The following GNAL variants were observed in gnomAD, a reference collection of about 807,000 sequenced individuals.
GNAL encodes guanine nucleotide-binding protein G(olf) subunit alpha.
Under a neutral mutation model 55.1 loss-of-function variants are expected in GNAL, and 18 were observed. The ratio of observed to expected loss-of-function variants is 0.33; its 90% CI spans 0.23 to 0.48. The LOEUF (loss-of-function observed/expected upper bound fraction) is 0.48, where lower values mean the gene tolerates loss of function less well. GNAL is among the 20% of genes least tolerant of loss of function. The pLI, the probability that GNAL is intolerant of heterozygous loss-of-function variation, is 0.99. For synonymous variants in GNAL, 253 were observed against 237.0 expected (o/e 1.07, Z -0.62); for missense variants, 412 against 614.1 (o/e 0.67, Z 3.48).
chr18:11,692,569 T>C (rs569997778), intron 1 of GNAL, among the ~76,000 whole-genome samples: 96 of 152,098 alleles, frequency 6.3e-4, no homozygotes, highest in African/African-American at 2.3e-3. Flanking sequence ...AATCTTCGGA[T>C]ATGCAAGTAC....
At chr18:11,765,912 T>G (rs145425642) in intron 4 of GNAL, among the ~76,000 whole-genome samples, 1 of 152,238 alleles carries the variant, frequency 6.6e-6, no homozygotes, top group Non-Finnish European at 1.5e-5. Context: ...ATTGGAAGTT[T>G]GTTGTTCATC....
rs777529067 is a variant in GNAL at position 11,753,864 on chromosome 18, T to C, written c.543T>C (p.Val181=). Residue 181 remains valine, a synonymous_variant, in exon 4 of 12, where the codon GTT becomes GTC. Transcript: ENST00000334049. ...CAATGAGTACTATAATACCTCCAGTTCCGCTGGCCAACCCTGAAAACCAAT... is the reference window on the plus strand; with the variant it reads ...CAATGAGTACTATAATACCTCCAGTCCCGCTGGCCAACCCTGAAAACCAAT... The part of the protein sequence containing the change: ...VSAMSTIIPP[V]PLANPENQFR... 1.2e-5 allele frequency: 19 copies of C among 1,609,634 alleles called. No homozygotes were observed. The highest frequency in any genetic ancestry group is 1.4e-5 in the Non-Finnish European group (17 of 1,176,052).
intron 5 of GNAL, 51 bp from the exon 6 acceptor site, chr18:11,862,344 G>C (rs1438147106): frequency 6.8e-7 from 1 of 1,470,916 alleles, no homozygotes; most frequent in Non-Finnish European, 9.5e-7. Context: ...CCCAACCCCA[G>C]GGGAAAGTGG....
chr18:11,740,914 G>A (rs577258807), intron 1 of GNAL, among the ~76,000 whole-genome samples: 14 of 152,326 alleles, frequency 9.2e-5, no homozygotes, highest in Admixed American at 7.8e-4. Flanking sequence ...TTTAGGATGA[G>A]CCACTCCAGC....
At position 11,752,225 on chromosome 18, in the gene GNAL, TC is replaced by T; in HGVS notation, c.377-626del. The T allele has an allele frequency of 1.1e-5, 11 of 988,520 alleles. No homozygotes were observed. Among genetic ancestry groups the T allele is most frequent in the Non-Finnish European group, 1.5e-5 (11 of 729,476 alleles). The allele number at this position is 988,520 out of a possible 1,614,324, so 61.2% of individuals were successfully genotyped here. The stretch of plus-strand genomic sequence containing the variant: ...AAAAGGCATTTTACTCCGCGCGTCT[TC>T]CTTACAGCCATTTAGTTGGGAGTTT... On this transcript the variant is annotated intron_variant, in intron 1 of 11. Transcript: ENST00000334049. This position sits in a 1 kb window ranked among gnomAD's most constrained non-coding sequence, Gnocchi z 4.5.
Position 11,704,969 on chromosome 18 carries a change from T to C in GNAL, c.376+15030T>C, listed in dbSNP as rs116084906. Among the ~76,000 whole-genome samples, 931 of 129,824 alleles carry C rather than the reference T, an allele frequency of 7.2e-3. 4 individuals are homozygous for C. The highest frequency in any genetic ancestry group is 0.025 in the African/African-American group (871 of 34,200). The allele number at this position is 129,824 out of a possible 152,430, so 85.2% of individuals were successfully genotyped here. A position where few individuals can be genotyped will look rare whatever the true frequency, so the allele number is the denominator to read the frequency against. On this transcript the variant is annotated intron_variant, in intron 1 of 11. Transcript: ENST00000334049. Reference sequence around the variant, plus strand: ...CTTATTTTATCATGGTAAGAACACTTCACACGAGATCTACCCTATTAAAAA... The same window carrying C: ...CTTATTTTATCATGGTAAGAACACTCCACACGAGATCTACCCTATTAAAAA...
chr18:11,706,411 G>A (rs1016100675), intron 1 of GNAL, among the ~76,000 whole-genome samples: 3 of 152,274 alleles, frequency 2.0e-5, no homozygotes, highest in African/African-American at 7.2e-5. Flanking sequence ...CTCTTTGCTG[G>A]TGGAAGGTCT....
At position 11,884,487 on chromosome 18, in the gene GNAL, A is replaced by G; in HGVS notation, c.*3352A>G. ...TTCCGAGCAAGTTCAAACCAGAAAG[A>G]AAAGGTGAGGCTAGAAGCCCAAAGT... is the stretch of plus-strand genomic sequence containing the variant. On this transcript the variant is annotated 3_prime_UTR_variant, in exon 12 of 12. Coordinates refer to ENST00000334049, the MANE Select transcript of GNAL (RefSeq NM_182978.4). 6.2e-7 allele frequency: 1 copy of G among 1,614,132 alleles called. No individual in the cohort carries two copies. Among genetic ancestry groups the G allele is most frequent in the Non-Finnish European group, 8.5e-7 (1 of 1,180,006 alleles).
In GNAL at chr18:11,689,518, C is replaced by A; in HGVS notation, c.-46C>A. 9.9e-7 allele frequency: 1 copy of A among 1,006,558 alleles called. No homozygotes were observed. The highest frequency in any genetic ancestry group is 1.3e-6 in the Non-Finnish European group (1 of 784,444). 62.4% of individuals were successfully genotyped at this position (1,006,558 alleles called of 1,614,324 possible). On this transcript the variant is annotated 5_prime_UTR_variant, in exon 1 of 12. Transcript: ENST00000334049. The stretch of plus-strand genomic sequence containing the variant: ...CGGGAACCAGGCCGCCCTCGGCGCC[C>A]AGCCTGCCCTAGTCCCGCGCGCCGC...
At chr18:11,855,328 TAC>T (rs1248463030) in intron 5 of GNAL, among the ~76,000 whole-genome samples, 2 of 152,238 alleles carry the variant, frequency 1.3e-5, no homozygotes, top group African/African-American at 4.8e-5. Flanking sequence ...GGATATAATT[TAC>T]AAAAGTATCC....
chr18:11,763,720 TA>T (rs2033317024), intron 4 of GNAL, among the ~76,000 whole-genome samples: 1 of 152,190 alleles, frequency 6.6e-6, no homozygotes, highest in Admixed American at 6.5e-5. Flanking sequence ...AGAGTCTCAA[TA>T]ATTTAATGAA....
At chr18:11,737,785 G>A (rs2032491043) in intron 1 of GNAL, among the ~76,000 whole-genome samples, 1 of 152,234 alleles carries the variant, frequency 6.6e-6, no homozygotes, top group African/African-American at 2.4e-5. Context: ...AACCATTTGG[G>A]TGAGAAATCT....
At chr18:11,749,201 T>G (rs1053951426) in intron 1 of GNAL, among the ~76,000 whole-genome samples, 9 of 151,862 alleles carry the variant, frequency 5.9e-5, no homozygotes, top group Non-Finnish European at 1.3e-4. Flanking sequence ...GGGTTGATAT[T>G]GCCACGTGTG....
At chr18:11,781,259 G>C (rs1200665489) in intron 4 of GNAL, among the ~76,000 whole-genome samples, 1 of 152,142 alleles carries the variant, frequency 6.6e-6, no homozygotes, top group African/African-American at 2.4e-5. Context: ...ATTGGACTTA[G>C]AAACACCTAA....
At chr18:11,704,615 G>A (rs2143334421) in intron 1 of GNAL, among the ~76,000 whole-genome samples, 1 of 152,294 alleles carries the variant, frequency 6.6e-6, no homozygotes, top group Non-Finnish European at 1.5e-5. Flanking sequence ...CAGCCACGCA[G>A]CCTACTCTGG....
At chr18:11,862,308 C>A in intron 5 of GNAL, 87 bp from the exon 6 acceptor site, 1 of 990,712 alleles carries the variant, frequency 1.0e-6, no homozygotes. Context: ...CCTTGCTGTA[C>A]TTGGGTGATG....
intron 4 of GNAL, among the ~76,000 whole-genome samples, chr18:11,793,738 A>G (rs1221256477): frequency 6.6e-6 from 1 of 152,038 alleles, no homozygotes; most frequent in Admixed American, 6.5e-5. Flanking sequence ...ATCCTGGCCA[A>G]CATGGCGAAA....
intron 1 of GNAL, among the ~76,000 whole-genome samples, chr18:11,726,611 C>A (rs537342325): frequency 1.3e-5 from 2 of 152,282 alleles, no homozygotes; most frequent in African/African-American, 4.8e-5. Context: ...TGCCAGTGGG[C>A]ACTTCCTTCC....
At chr18:11,864,665 G>T (rs900132182) in intron 7 of GNAL, 59 bp downstream of exon 7, 1 of 929,818 alleles carries the variant, frequency 1.1e-6, no homozygotes, top group Non-Finnish European at 1.8e-6. Flanking sequence ...AGAGCCGAAG[G>T]GCTGTGAGGT....
Sources: gnomAD v4.1 joint callset for allele counts (sites outside exome capture counted in the v4.1 genomes callset) on GRCh38, gnomAD v4.1.1 for gene constraint, Gnocchi (gnomAD v3.1) non-coding constraint, MANE v1.5 for transcripts, NCBI Gene and HGNC (gene_info 2026-07-23, HGNC 2026-07-21) for gene names.